OPHN1: variants seen among roughly 807,000 people sequenced by gnomAD.
OPHN1 encodes oligophrenin 1, also known as oligophrenin-1.
A neutral mutation model predicts 60.7 loss-of-function variants in OPHN1; 11 were observed. The observed-to-expected ratio is 0.18, with a 90% confidence interval of 0.11 to 0.30. The LOEUF (loss-of-function observed/expected upper bound fraction) is 0.30. OPHN1 is among the 10% of genes least tolerant of loss of function. The pLI is 1.00. For synonymous variants in OPHN1, 226 were observed against 222.6 expected (o/e 1.02, Z -0.14); for missense variants, 449 against 611.0 (o/e 0.73, Z 2.80).
chrX:68,095,116 G>T (rs922968276), intron 19 of OPHN1, among the ~76,000 whole-genome samples: 1 of 111,240 alleles, frequency 9.0e-6, no homozygotes, highest in Non-Finnish European at 1.9e-5. Flanking sequence ...TACTTACTTT[G>T]AATACTATTT....
chrX:68,263,779 C>T (rs183091183), intron 5 of OPHN1, among the ~76,000 whole-genome samples: 1 of 111,143 alleles, frequency 9.0e-6, no homozygotes, highest in African/African-American at 3.3e-5. Context: ...ATAATGCAAG[C>T]CACACGTAAT....
intron 15 of OPHN1, among the ~76,000 whole-genome samples, chrX:68,188,179 A>G (rs1328816238): frequency 1.8e-5 from 2 of 112,409 alleles, no homozygotes; most frequent in Non-Finnish European, 3.8e-5. Context: ...TTACATACTT[A>G]CAAGAATGCT....
chrX:68,208,217 A>G (rs188442104), intron 9 of OPHN1, among the ~76,000 whole-genome samples: 1 of 110,096 alleles, frequency 9.1e-6, no homozygotes, highest in East Asian at 2.9e-4. Flanking sequence ...CAGCCTCCCA[A>G]GTAGCTAGGA....
chrX:68,311,512 A>T (rs1359663739), intron 2 of OPHN1, among the ~76,000 whole-genome samples: 1 of 111,322 alleles, frequency 9.0e-6, no homozygotes. Flanking sequence ...GGCTCACTGC[A>T]ACCTCCGCCT....
intron 19 of OPHN1, among the ~76,000 whole-genome samples, chrX:68,079,085 T>C (rs1241971615): frequency 1.8e-5 from 2 of 111,480 alleles, no homozygotes; most frequent in African/African-American, 6.5e-5. Context: ...TCCACACTTA[T>C]AAACCTACTT....
chrX:68,122,231 C>T (rs990784582), intron 15 of OPHN1, among the ~76,000 whole-genome samples: 2 of 111,928 alleles, frequency 1.8e-5, no homozygotes, highest in African/African-American at 3.3e-5. Flanking sequence ...TCTTCCAGAT[C>T]TTATTCAACA....
chrX:68,120,254 T>G (rs1230712493), intron 15 of OPHN1, among the ~76,000 whole-genome samples: 1 of 111,564 alleles, frequency 9.0e-6, no homozygotes, highest in Non-Finnish European at 1.9e-5. Context: ...CAGATGATAT[T>G]TAAGTCTTTA....
intron 2 of OPHN1, among the ~76,000 whole-genome samples, chrX:68,328,485 A>G (rs760003925): frequency 3.2e-4 from 36 of 112,842 alleles, no homozygotes; most frequent in Non-Finnish European, 5.4e-4. Context: ...AGCATAGGAA[A>G]GAATTTCTTA....
rs61098550 is a variant in OPHN1 at position 68,197,436 on chromosome X, C to G, written c.1026-172G>C. Reference sequence around the variant, plus strand: ...ACTCAAGAAAACAATAGGCAATTTACAGAACAGTAACTTTGGGAACCATGG... The same window carrying G: ...ACTCAAGAAAACAATAGGCAATTTAGAGAACAGTAACTTTGGGAACCATGG... On this transcript the variant is annotated intron_variant, in intron 11 of 24. Coordinates refer to ENST00000355520, the MANE Select transcript of OPHN1 (RefSeq NM_002547.3). Among the ~76,000 whole-genome samples, 8,194 of 110,871 alleles carry G rather than the reference C, an allele frequency of 0.074. 743 individuals are homozygous for G. The highest frequency in any genetic ancestry group is 0.26 in the African/African-American group (7,781 of 30,306).
At position 68,209,992 on chromosome X, in the gene OPHN1, CTT is replaced by C. The variant is rs57516402; in HGVS notation, c.832+159_832+160del. 47,719 of 339,934 alleles carry C rather than the reference CTT, an allele frequency of 0.14. 1 individual carries two copies. The highest frequency in any genetic ancestry group is 0.2 in the East Asian group (3,184 of 15,717). The allele number at this position is 339,934 out of a possible 1,213,427, so 28.0% of individuals were successfully genotyped here. On this transcript the variant is annotated intron_variant, in intron 9 of 24. Coordinates refer to ENST00000355520, the MANE Select transcript of OPHN1 (RefSeq NM_002547.3). ...ATCTTTAACTTCCTCTCAGTTTCTCCTTTTTTTTTTTTTGTTTTCAGTATTCC... is the reference window on the plus strand; with the variant it reads ...ATCTTTAACTTCCTCTCAGTTTCTCCTTTTTTTTTTTGTTTTCAGTATTCC...
rs1481874491 is a variant in OPHN1 at position 68,045,662 on chromosome X, G to A, written c.*1510C>T. The A allele has an allele frequency of 8.9e-6, 1 of 112,097 alleles. No individual in the cohort carries two copies. Among genetic ancestry groups the A allele is most frequent in the Non-Finnish European group, 1.9e-5 (1 of 53,284 alleles). 9.2% of individuals were successfully genotyped at this position (112,097 alleles called of 1,213,427 possible). Reference sequence around the variant, plus strand: ...ACTTCCCTTCAACAAACAGGAATTAGAAATGTCCATTCCTCAGATTTCTGC... The same window carrying A: ...ACTTCCCTTCAACAAACAGGAATTAAAAATGTCCATTCCTCAGATTTCTGC... On this transcript the variant is annotated 3_prime_UTR_variant, in exon 25 of 25. Transcript: ENST00000355520.
chrX:68,307,378 C>T (rs2078150758), intron 2 of OPHN1, among the ~76,000 whole-genome samples: 1 of 107,170 alleles, frequency 9.3e-6, no homozygotes, highest in East Asian at 2.9e-4. Flanking sequence ...TGCTTGAGCC[C>T]GGGAGGCAGA....
chrX:68,339,393 C>G (rs1446429078), intron 2 of OPHN1, among the ~76,000 whole-genome samples: 1 of 110,356 alleles, frequency 9.1e-6, no homozygotes, highest in African/African-American at 3.3e-5. Context: ...CTAGTCAACA[C>G]TGTACTAGAG....
intron 6 of OPHN1, among the ~76,000 whole-genome samples, chrX:68,225,130 C>A (rs993914747): frequency 8.9e-6 from 1 of 112,074 alleles, no homozygotes; most frequent in African/African-American, 3.2e-5. Context: ...ACTGCAAGCA[C>A]AGCAGTCTGA....
At chrX:68,230,155 A>G (rs1251351387) in intron 6 of OPHN1, among the ~76,000 whole-genome samples, 4 of 112,328 alleles carry the variant, frequency 3.6e-5, no homozygotes. Context: ...CAACAGACAC[A>G]GGAAAAAATG....
At chrX:68,078,361 G>A (rs1382615588) in intron 19 of OPHN1, among the ~76,000 whole-genome samples, 1 of 111,326 alleles carries the variant, frequency 9.0e-6, no homozygotes, top group Admixed American at 9.6e-5. Flanking sequence ...TAACAAATGA[G>A]AATATACTTA....
chrX:68,214,849 T>C (rs919887962), intron 6 of OPHN1, among the ~76,000 whole-genome samples: 1 of 110,010 alleles, frequency 9.1e-6, no homozygotes, highest in East Asian at 2.9e-4. Flanking sequence ...ATACAAAAAC[T>C]AGCCAAGTGT....
intron 5 of OPHN1, among the ~76,000 whole-genome samples, chrX:68,245,000 G>A (rs1321673996): frequency 9.0e-6 from 1 of 111,521 alleles, no homozygotes; most frequent in African/African-American, 3.3e-5. Flanking sequence ...ACTAAACCAC[G>A]TTCAAATTCT....
chrX:68,302,488 C>T (rs1226749445), intron 2 of OPHN1, among the ~76,000 whole-genome samples: 1 of 109,118 alleles, frequency 9.2e-6, no homozygotes, highest in Non-Finnish European at 1.9e-5. Flanking sequence ...ACTTGGGAGG[C>T]TGAAGCAGGA....
Sources: gnomAD v4.1 joint callset for allele counts (sites outside exome capture counted in the v4.1 genomes callset) on GRCh38, gnomAD v4.1.1 for gene constraint, MANE v1.5 for transcripts, NCBI Gene and HGNC (gene_info 2026-07-23, HGNC 2026-07-21) for gene names.